The following SLC25A17 variants were observed in gnomAD, a reference collection of about 807,000 sequenced individuals.
The protein encoded by SLC25A17 is peroxisomal membrane protein PMP34.
SLC25A17 carries 26 observed loss-of-function variants against 38.5 expected under a neutral mutation model. That is an observed-to-expected ratio of 0.68 (90% confidence interval 0.50 to 0.94). The LOEUF (loss-of-function observed/expected upper bound fraction) is 0.94. Among genes scored for constraint, SLC25A17 ranks in the 40% least tolerant of loss-of-function variants. The pLI, the probability that SLC25A17 is intolerant of heterozygous loss-of-function variation, is 0.00. For missense variants in SLC25A17, 333 were observed against 372.7 expected (o/e 0.89, Z 0.88); for synonymous variants, 139 against 136.2 (o/e 1.02, Z -0.14).
rs781075183 is a variant in SLC25A17 at position 40,798,382 on chromosome 22, C to T, written c.115+641G>A. 16 of 152,152 alleles carry T rather than the reference C, an allele frequency of 1.1e-4. 1 individual carries two copies. Among genetic ancestry groups the T allele is most frequent in the Non-Finnish European group, 2.2e-4 (15 of 68,102 alleles). The allele number at this position is 152,152 out of a possible 1,614,324, so 9.4% of individuals were successfully genotyped here. On this transcript the variant is annotated intron_variant, in intron 2 of 8. Coordinates refer to ENST00000435456, the MANE Select transcript of SLC25A17 (RefSeq NM_006358.4). ...GATGTGCACCATTGGTTCCTCGGAA[C>T]CTTTTCCCCATCTGCCTCTTTCAGA...
intron 2 of SLC25A17, chr22:40,798,133 G>C (rs2145684221): frequency 6.6e-6 from 1 of 152,436 alleles, no homozygotes; most frequent in East Asian, 1.9e-4. Flanking sequence ...GAATGAGTTT[G>C]AAAGCCTCCC....
At chr22:40,799,363 CT>C (rs566690843) in intron 1 of SLC25A17, among the ~76,000 whole-genome samples, 4,268 of 135,088 alleles carry the variant, frequency 0.032, 158 homozygotes, top group African/African-American at 0.1. Flanking sequence ...GGAGTCACAA[CT>C]TTTTTTTTTT....
In SLC25A17 at chr22:40,773,991, T is replaced by G; in HGVS notation, c.722A>C (p.Asn241Thr). 6.2e-7 allele frequency: 1 copy of G among 1,613,154 alleles called. No individual in the cohort carries two copies. Among genetic ancestry groups the G allele is most frequent in the Non-Finnish European group, 8.5e-7 (1 of 1,179,148 alleles). Residue 241 changes from asparagine to threonine, a missense_variant, in exon 8 of 9, where the codon AAC becomes ACC. Coordinates refer to ENST00000435456, the MANE Select transcript of SLC25A17 (RefSeq NM_006358.4). ...ATTCCGAAGACTTCCCAATGTTCTG[T>G]TTTCTGGGTTTAGTCTATGACGCCC... ...RFGRHRLNPE[N>T]RTLGSLRNIL...
At chr22:40,796,777 C>A (rs2057434573) in intron 2 of SLC25A17, among the ~76,000 whole-genome samples, 1 of 152,194 alleles carries the variant, frequency 6.6e-6, no homozygotes, top group Admixed American at 6.5e-5. Context: ...TCTGTAATAA[C>A]AAAAGGGTGG....
At chr22:40,774,435 G>A (rs2057220501) in intron 7 of SLC25A17, among the ~76,000 whole-genome samples, 1 of 152,154 alleles carries the variant, frequency 6.6e-6, no homozygotes, top group Non-Finnish European at 1.5e-5. Flanking sequence ...TGTTGGCCAG[G>A]CTGGTCTCGA....
intron 5 of SLC25A17, among the ~76,000 whole-genome samples, chr22:40,777,948 CA>C (rs1272596377): frequency 6.6e-6 from 1 of 152,186 alleles, no homozygotes; most frequent in African/African-American, 2.4e-5. Context: ...AAGTCATTAT[CA>C]CCATCACTGG....
At position 40,769,799 on chromosome 22, in the gene SLC25A17, G is replaced by C. The variant is rs2057163827; in HGVS notation, c.*1035C>G. On this transcript the variant is annotated 3_prime_UTR_variant, in exon 9 of 9. Coordinates refer to ENST00000435456, the MANE Select transcript of SLC25A17 (RefSeq NM_006358.4). ...CTGGGAATGTTAAAATACGGAACAG[G>C]ATTCAGAAACTCTGGGTTGCGTGCC... The C allele has an allele frequency of 6.6e-6, 1 of 152,152 alleles. No individual in the cohort carries two copies. The highest frequency in any genetic ancestry group is 1.5e-5 in the Non-Finnish European group (1 of 68,032). 9.4% of individuals were successfully genotyped at this position (152,152 alleles called of 1,614,324 possible).
At chr22:40,814,757 ATATATATATATAT>A (rs2057618554) in intron 1 of SLC25A17, among the ~76,000 whole-genome samples, 2 of 5,508 alleles carry the variant, frequency 3.6e-4, no homozygotes, top group African/African-American at 3.1e-3. Flanking sequence ...CGTGCAGAAT[ATATATATATATAT>A]ATATATATAT....
intron 1 of SLC25A17, among the ~76,000 whole-genome samples, chr22:40,812,151 TC>T (rs1841202156): frequency 6.6e-6 from 1 of 151,950 alleles, no homozygotes; most frequent in Non-Finnish European, 1.5e-5. Context: ...TGCCTCAGCC[TC>T]TCAAAGTGCT....
chr22:40,801,163 A>ATATATATG (rs2057480417), intron 1 of SLC25A17, among the ~76,000 whole-genome samples: 1 of 125,102 alleles, frequency 8.0e-6, no homozygotes, highest in Non-Finnish European at 1.7e-5. Flanking sequence ...ATATATATAT[A>ATATATATG]TATATGTAAA....
chr22:40,803,034 T>A (rs1471106490), intron 1 of SLC25A17, among the ~76,000 whole-genome samples: 1 of 152,232 alleles, frequency 6.6e-6, no homozygotes, highest in Non-Finnish European at 1.5e-5. Flanking sequence ...TCGGAAATCT[T>A]CTCTTCTAGC....
At chr22:40,810,241 A>C (rs2057567613) in intron 1 of SLC25A17, among the ~76,000 whole-genome samples, 2 of 152,110 alleles carry the variant, frequency 1.3e-5, no homozygotes, top group South Asian at 4.1e-4. Context: ...TTAGTGCATT[A>C]ATTGCATCTT....
intron 2 of SLC25A17, among the ~76,000 whole-genome samples, chr22:40,796,087 C>G (rs2057426994): frequency 6.6e-6 from 1 of 152,092 alleles, no homozygotes; most frequent in South Asian, 2.1e-4. Flanking sequence ...CCACACCCGG[C>G]CTAAAATTCA....
intron 8 of SLC25A17, among the ~76,000 whole-genome samples, chr22:40,772,722 A>C (rs565987740): frequency 6.6e-6 from 1 of 151,744 alleles, no homozygotes; most frequent in Non-Finnish European, 1.5e-5. Flanking sequence ...GTACAGCCTC[A>C]ATCTGCCGGG....
intron 7 of SLC25A17, among the ~76,000 whole-genome samples, chr22:40,776,830 G>T (rs758257909): frequency 6.6e-6 from 1 of 152,062 alleles, no homozygotes; most frequent in Non-Finnish European, 1.5e-5. Context: ...AGGAGGTCGA[G>T]GGTATAGAGA....
chr22:40,810,814 T>G (rs1602628582), intron 1 of SLC25A17, among the ~76,000 whole-genome samples: 2 of 152,246 alleles, frequency 1.3e-5, no homozygotes, highest in African/African-American at 4.8e-5. Flanking sequence ...GTTTTGGAAT[T>G]TATACATCTC....
intron 1 of SLC25A17, among the ~76,000 whole-genome samples, chr22:40,816,608 TG>T (rs1292242159): frequency 2.1e-4 from 19 of 88,738 alleles, no homozygotes; most frequent in East Asian, 8.6e-4. Context: ...TATTTTTTAT[TG>T]TTTTTTTTTT....
At chr22:40,796,500 A>G (rs1213267437) in intron 2 of SLC25A17, among the ~76,000 whole-genome samples, 1 of 151,870 alleles carries the variant, frequency 6.6e-6, no homozygotes, top group East Asian at 2.0e-4. Context: ...TTAGCTGGGC[A>G]TGGTGGCACA....
chr22:40,800,452 G>A (rs942118428), intron 1 of SLC25A17, among the ~76,000 whole-genome samples: 27 of 152,284 alleles, frequency 1.8e-4, no homozygotes, highest in Admixed American at 2.0e-4. Context: ...AGGCTCCAGT[G>A]CAGTGGCGAG....
Sources: gnomAD v4.1 joint callset for allele counts (sites outside exome capture counted in the v4.1 genomes callset) on GRCh38, gnomAD v4.1.1 for gene constraint, MANE v1.5 for transcripts, NCBI Gene and HGNC (gene_info 2026-07-23, HGNC 2026-07-21) for gene names.